Variants in TPRG1 observed in about 807,000 individuals in gnomAD.
The protein encoded by TPRG1 is tumor protein p63 regulated 1, also known as tumor protein p63-regulated gene 1 protein.
TPRG1 carries 29 observed loss-of-function variants against 29.3 expected under a neutral mutation model. That is an observed-to-expected ratio of 0.99 (90% CI 0.74 to 1.35). TPRG1 has a LOEUF of 1.35. Ranked by LOEUF, TPRG1 falls within the 40% of genes most tolerant of loss-of-function variation. The pLI, the probability that TPRG1 is intolerant of heterozygous loss-of-function variation, is 0.00. For synonymous variants in TPRG1, 130 were observed against 116.8 expected (o/e 1.11, Z -0.73); for missense variants, 327 against 335.0 (o/e 0.98, Z 0.19).
At chr3:189,085,310 A>G (rs932116675) in intron 4 of TPRG1, among the ~76,000 whole-genome samples, 21 of 152,244 alleles carry the variant, frequency 1.4e-4, no homozygotes, top group Non-Finnish European at 2.4e-4. Flanking sequence ...ATTCATAGAC[A>G]TGCAATTCAC....
intron 4 of TPRG1, among the ~76,000 whole-genome samples, chr3:189,245,849 G>A (rs1263349138): frequency 1.3e-5 from 2 of 151,872 alleles, no homozygotes; most frequent in Admixed American, 6.6e-5. Flanking sequence ...CTATTATTAG[G>A]TGCATGCACA....
chr3:189,106,008 G>A (rs1473008830), intron 1 of TPRG1, among the ~76,000 whole-genome samples: 1 of 151,910 alleles, frequency 6.6e-6, no homozygotes, highest in East Asian at 1.9e-4. Context: ...GTTTACCTAT[G>A]TAACAAACCT....
intron 5 of TPRG1, among the ~76,000 whole-genome samples, chr3:189,162,399 C>T (rs961073172): frequency 2.1e-4 from 32 of 152,188 alleles, no homozygotes; most frequent in Middle Eastern, 3.4e-3. Context: ...CACAAAGAAA[C>T]GATGGGGAAT....
chr3:189,268,181 G>A (rs1255202527), intron 4 of TPRG1, among the ~76,000 whole-genome samples: 2 of 152,172 alleles, frequency 1.3e-5, no homozygotes, highest in African/African-American at 4.8e-5. Context: ...AGCAGGCGAG[G>A]ATTTTGTCAT....
chr3:188,998,054 G>C (rs952426896), intron 1 of TPRG1, among the ~76,000 whole-genome samples: 4 of 152,012 alleles, frequency 2.6e-5, no homozygotes, highest in Non-Finnish European at 4.4e-5. Flanking sequence ...CAAAGTTCTT[G>C]CTAAGGGTCA....
intron 3 of TPRG1, among the ~76,000 whole-genome samples, chr3:189,138,188 C>G (rs1262903499): frequency 6.6e-6 from 1 of 151,730 alleles, no homozygotes; most frequent in Non-Finnish European, 1.5e-5. Flanking sequence ...TTACTCAATA[C>G]AAAAGTGTAA....
chr3:189,087,492 C>CAGA (rs536305788), intron 4 of TPRG1, among the ~76,000 whole-genome samples: 137 of 152,272 alleles, frequency 9.0e-4, no homozygotes, highest in African/African-American at 3.2e-3. Context: ...TTTTGCTGTG[C>CAGA]AGAAGCTCTT....
intron 5 of TPRG1, among the ~76,000 whole-genome samples, chr3:189,160,978 C>T (rs114382288): frequency 9.2e-5 from 14 of 152,276 alleles, no homozygotes; most frequent in African/African-American, 3.1e-4. Context: ...TCATAATGGC[C>T]TGGATTGGAT....
At chr3:189,250,513 C>A (rs202222120) in intron 4 of TPRG1, among the ~76,000 whole-genome samples, 5 of 88,738 alleles carry the variant, frequency 5.6e-5, no homozygotes, top group Admixed American at 2.6e-4. Flanking sequence ...CGCCCCCCCC[C>A]CCCCACCCAG....
chr3:189,018,884 G>C (rs1490003811), intron 3 of TPRG1, among the ~76,000 whole-genome samples: 2 of 149,800 alleles, frequency 1.3e-5, no homozygotes, highest in African/African-American at 2.4e-5. Context: ...TCTTCCATTT[G>C]TTTGTATCCT....
intron 5 of TPRG1, among the ~76,000 whole-genome samples, chr3:189,152,111 G>A (rs1394045951): frequency 4.6e-5 from 7 of 151,956 alleles, no homozygotes; most frequent in Admixed American, 6.6e-5. Context: ...TCTTATTCTC[G>A]TGCTTCACCT....
chr3:189,205,628 G>A (rs1300055736), intron 1 of TPRG1, among the ~76,000 whole-genome samples: 1 of 152,158 alleles, frequency 6.6e-6, no homozygotes, highest in African/African-American at 2.4e-5. Context: ...GAACAAGGAG[G>A]TGACTCCGAG....
At chr3:189,152,071 C>G (rs891263314) in intron 5 of TPRG1, among the ~76,000 whole-genome samples, 1 of 152,088 alleles carries the variant, frequency 6.6e-6, no homozygotes, top group African/African-American at 2.4e-5. Context: ...TTGGTGTGCT[C>G]TAGGGACTGC....
intron 1 of TPRG1, among the ~76,000 whole-genome samples, chr3:189,118,637 G>C (rs1721460476): frequency 6.6e-6 from 1 of 152,190 alleles, no homozygotes; most frequent in Non-Finnish European, 1.5e-5. Flanking sequence ...AGCTGCTTCA[G>C]CTCCAGCTGT....
chr3:189,306,216 A>G (rs1286354164), intron 4 of TPRG1, among the ~76,000 whole-genome samples: 1 of 152,208 alleles, frequency 6.6e-6, no homozygotes, highest in Non-Finnish European at 1.5e-5. Flanking sequence ...ATCAGCTCTG[A>G]GGTGATTTAA....
chr3:189,302,833 T>A (rs1721045863), intron 4 of TPRG1, among the ~76,000 whole-genome samples: 2 of 152,188 alleles, frequency 1.3e-5, no homozygotes, highest in Admixed American at 1.3e-4. Flanking sequence ...CATTTGCCCA[T>A]CACCCCAATA....
chr3:189,104,927 A>G (rs1388186936), intron 1 of TPRG1, among the ~76,000 whole-genome samples: 1 of 152,090 alleles, frequency 6.6e-6, no homozygotes, highest in Non-Finnish European at 1.5e-5. Context: ...ATCATAATTC[A>G]AGTTTTTCCA....
intron 5 of TPRG1, among the ~76,000 whole-genome samples, chr3:189,153,290 T>C (rs1726208241): frequency 6.6e-6 from 1 of 152,190 alleles, no homozygotes; most frequent in Admixed American, 6.5e-5. Flanking sequence ...TCACCTTCCC[T>C]AGAAGTAGAA....
At chr3:189,270,614 G>A (rs575009854) in intron 4 of TPRG1, among the ~76,000 whole-genome samples, 165 of 152,244 alleles carry the variant, frequency 1.1e-3, no homozygotes, top group African/African-American at 3.8e-3. Flanking sequence ...TTTGTCACTG[G>A]CCATGTGAAA....
Sources: gnomAD v4.1 joint callset for allele counts (sites outside exome capture counted in the v4.1 genomes callset) on GRCh38, gnomAD v4.1.1 for gene constraint, MANE v1.5 for transcripts, NCBI Gene and HGNC (gene_info 2026-07-23, HGNC 2026-07-21) for gene names.